Variants in GJC1 observed in about 807,000 individuals in gnomAD.
GJC1 encodes gap junction protein gamma 1, also known as gap junction gamma-1 protein.
A neutral mutation model predicts 29.3 loss-of-function variants in GJC1; 5 were observed. That is an observed-to-expected ratio of 0.17 (90% confidence interval 0.09 to 0.36). The LOEUF (loss-of-function observed/expected upper bound fraction) is 0.36. Among genes scored for constraint, GJC1 ranks in the 10% least tolerant of loss-of-function variants. The probability of loss-of-function intolerance (pLI) is 1.00; values close to 1 mark genes in which losing one functional copy is unlikely to be tolerated. For missense variants in GJC1, 310 were observed against 496.2 expected, an observed-to-expected ratio of 0.62 and a Z score of 3.56; for synonymous variants, 177 against 183.3, an observed-to-expected ratio of 0.97 and a Z score of 0.28.
chr17:44,798,311 T>C (rs2049798401), downstream of GJC1: 3 of 152,340 alleles, frequency 2.0e-5, no homozygotes, highest in South Asian at 6.2e-4. Context: ...GAGATTTTCG[T>C]ATTAGCTTTT....
At chr17:44,827,625 G>C (rs904398350) in intron 1 of GJC1, among the ~76,000 whole-genome samples, 1 of 151,886 alleles carries the variant, frequency 6.6e-6, no homozygotes, top group East Asian at 2.0e-4. Flanking sequence ...GGGCATCATA[G>C]CAATGTCTTT....
chr17:44,796,002 C>T (rs1011818491), downstream of GJC1, among the ~76,000 whole-genome samples: 8 of 152,216 alleles, frequency 5.3e-5, no homozygotes, highest in Non-Finnish European at 1.2e-4. Context: ...CTTGGCGGCC[C>T]GGGCTCTCCT....
Position 44,805,749 on chromosome 17 carries a change from G to T in GJC1, c.69C>A (p.Ile23=). The part of the protein sequence containing the change: ...IHNHSTFVGK[I]WLTVLIVFRI... ...GGAAGACAATCAGAACAGTGAGCCA[G>T]ATCTTCCCCACAAATGTGGAATGGT... The change falls in exon 3 of 3, where the codon ATC becomes ATA. Residue 23 remains isoleucine (I), a synonymous_variant. Coordinates refer to ENST00000592524, the MANE Select transcript of GJC1 (RefSeq NM_005497.4). This position sits in a 1 kb window ranked among gnomAD's most constrained non-coding sequence, Gnocchi z 5.1. 1 of 1,614,126 alleles carries T rather than the reference G, an allele frequency of 6.2e-7. No individual in the cohort carries two copies. The highest frequency in any genetic ancestry group is 8.5e-7 in the Non-Finnish European group (1 of 1,179,956).
upstream of GJC1, among the ~76,000 whole-genome samples, chr17:44,831,312 G>C (rs1437042023): frequency 3.3e-5 from 5 of 152,090 alleles, no homozygotes; most frequent in Non-Finnish European, 5.9e-5. Context: ...CAGATTTCTG[G>C]CCTCCCTAAA....
intron 1 of GJC1, among the ~76,000 whole-genome samples, chr17:44,821,228 C>G (rs894450281): frequency 1.3e-5 from 2 of 152,180 alleles, no homozygotes; most frequent in African/African-American, 4.8e-5. Context: ...GTGGAACTGT[C>G]TTCATGCAAA....
chr17:44,825,811 G>C (rs1320024668), intron 1 of GJC1, among the ~76,000 whole-genome samples: 1 of 151,912 alleles, frequency 6.6e-6, no homozygotes, highest in Non-Finnish European at 1.5e-5. Flanking sequence ...TGACTTAATG[G>C]GCACCAGAAT....
At chr17:44,817,391 C>T (rs2050055554) in intron 1 of GJC1, among the ~76,000 whole-genome samples, 2 of 151,254 alleles carry the variant, frequency 1.3e-5, no homozygotes, top group Admixed American at 6.6e-5. Flanking sequence ...GACCCTAATC[C>T]CAGTCTTTAG....
chr17:44,808,428 TACACAC>T lies in GJC1; in HGVS notation c.-96-965_-96-960del, dbSNP rs56999580. Reference sequence around the variant, plus strand: ...GTAGATAGAACAACACCCTGTCTCTTACACACACACACACACACACACACACACACA... The same window carrying T: ...GTAGATAGAACAACACCCTGTCTCTTACACACACACACACACACACACACA... On this transcript the variant is annotated intron_variant, in intron 1 of 2. Transcript: ENST00000592524. Among the ~76,000 whole-genome samples, 292 of 147,288 alleles carry T rather than the reference TACACAC, an allele frequency of 2.0e-3. 4 individuals carry two copies. The highest frequency in any genetic ancestry group is 6.1e-3 in the South Asian group (28 of 4,598).
In GJC1 at chr17:44,810,586, G is replaced by A. The variant is rs773405644; in HGVS notation, c.-96-3117C>T. On this transcript the variant is annotated intron_variant, in intron 1 of 2. Coordinates refer to ENST00000592524, the MANE Select transcript of GJC1 (RefSeq NM_005497.4). ...AAGTCTTCGGAATGAGTATCGCTAC[G>A]GTCTATGCTCTTGACCACAAAATGT... Among the ~76,000 whole-genome samples the A allele has an allele frequency of 4.6e-5, 7 of 151,986 alleles. No homozygotes were observed. The East Asian group carries it at 5.8e-4, about 13-fold the overall frequency.
intron 1 of GJC1, among the ~76,000 whole-genome samples, chr17:44,816,112 CAAAAAAAAAA>C (rs34938283): frequency 3.0e-4 from 14 of 47,430 alleles, no homozygotes; most frequent in South Asian, 1.0e-3. Context: ...CACTCCGTCT[CAAAAAAAAAA>C]AAAAAAAAAA....
downstream of GJC1, chr17:44,794,493 T>C (rs2049772719): frequency 6.6e-6 from 1 of 152,198 alleles, no homozygotes; most frequent in Admixed American, 6.5e-5. Context: ...CTAACATCAG[T>C]CTCTGCCTGC....
upstream of GJC1, among the ~76,000 whole-genome samples, chr17:44,831,178 G>C (rs1181032453): frequency 6.6e-6 from 1 of 152,186 alleles, no homozygotes; most frequent in Non-Finnish European, 1.5e-5. Flanking sequence ...CCCACCCAAA[G>C]CCAAGCCCTA....
At position 44,803,025 on chromosome 17, in the gene GJC1, C is replaced by T. The variant is rs938032693; in HGVS notation, c.*1602G>A. 5 of 151,740 alleles carry T rather than the reference C, an allele frequency of 3.3e-5. No homozygotes were observed. Among genetic ancestry groups the T allele is most frequent in the Non-Finnish European group, 7.4e-5 (5 of 67,928 alleles). The allele number at this position is 151,740 out of a possible 1,614,324, so 9.4% of individuals were successfully genotyped here. A position where few individuals can be genotyped will look rare whatever the true frequency, so the allele number is the denominator to read the frequency against. On this transcript the variant is annotated 3_prime_UTR_variant, in exon 3 of 3. Transcript: ENST00000592524. ...CTCAAAAAAAAATTTCCTTAAGTTT[C>T]TTTTTTTTGGTGGGGGTAGGAATGC...
chr17:44,821,747 C>T (rs867614155), intron 1 of GJC1, among the ~76,000 whole-genome samples: 16 of 148,192 alleles, frequency 1.1e-4, no homozygotes, highest in South Asian at 2.1e-4. Flanking sequence ...CACCAACACC[C>T]ATACCATCAT....
rs750307517 is a variant in GJC1, at chr17:44,804,806, G to C, written c.1012C>G (p.Leu338Val). The C allele has an allele frequency of 2.5e-6, 4 of 1,614,204 alleles. No homozygotes were observed. In the East Asian group the frequency reaches 8.9e-5, roughly 36 times the overall value. ...TGAGCCATCCTGATCTCCCGCTGCA[G>C]AGCCTCCAGGTCAGCTGGGAGGTTC... The part of the protein sequence containing the change: ...EENLPADLEA[L>V]QREIRMAQER... The change falls in exon 3 of 3, where the codon CTG becomes GTG. Residue 338 changes from leucine to valine, a missense_variant. Physicochemically the swap from Leu to Val is conservative, Grantham distance 32. Coordinates refer to ENST00000592524, the MANE Select transcript of GJC1 (RefSeq NM_005497.4).
At chr17:44,823,132 G>A (rs2050130932) in intron 1 of GJC1, among the ~76,000 whole-genome samples, 1 of 151,938 alleles carries the variant, frequency 6.6e-6, no homozygotes, top group Admixed American at 6.6e-5. Context: ...ATAACTATTG[G>A]GAGTTGAATA....
chr17:44,818,959 C>T (rs2050073642), intron 1 of GJC1, among the ~76,000 whole-genome samples: 3 of 151,846 alleles, frequency 2.0e-5, no homozygotes, highest in African/African-American at 2.4e-5. Flanking sequence ...AAAAAGAAAA[C>T]AAAAAACAAA....
intron 1 of GJC1, among the ~76,000 whole-genome samples, chr17:44,827,246 G>C (rs769532455): frequency 2.0e-5 from 3 of 151,856 alleles, no homozygotes; most frequent in Non-Finnish European, 4.4e-5. Flanking sequence ...GGAGGCGGAG[G>C]TTGCAGTGAG....
rs2049842561 is a variant in GJC1 at position 44,801,359 on chromosome 17, G to A, written c.*3268C>T. The A allele has an allele frequency of 6.6e-6, 1 of 152,170 alleles. No homozygotes were observed. The highest frequency in any genetic ancestry group is 2.4e-5 in the African/African-American group (1 of 41,428). 9.4% of individuals were successfully genotyped at this position (152,170 alleles called of 1,614,324 possible). A position where few individuals can be genotyped will look rare whatever the true frequency, so the allele number is the denominator to read the frequency against. ...GTTAAGGAACATAATCATGTTGATTGTATCCTGATTCTAGCAGGTGAAGGA... is the reference window on the plus strand; with the variant it reads ...GTTAAGGAACATAATCATGTTGATTATATCCTGATTCTAGCAGGTGAAGGA... On this transcript the variant is annotated 3_prime_UTR_variant, in exon 3 of 3. Transcript: ENST00000592524.
Sources: allele counts gnomAD v4.1 joint callset (sites outside exome capture counted in the v4.1 genomes callset), GRCh38; gene constraint gnomAD v4.1.1; non-coding constraint Gnocchi (gnomAD v3.1); transcripts MANE v1.5; gene names NCBI Gene and HGNC (gene_info 2026-07-23, HGNC 2026-07-21).